Variants in MMS22L observed in about 807,000 individuals in gnomAD.
MMS22L encodes the protein protein MMS22-like.
In MMS22L, 74 loss-of-function variants were observed where a neutral mutation model predicts 159.1. The ratio of observed to expected loss-of-function variants is 0.47; its 90% CI spans 0.39 to 0.56. The LOEUF (loss-of-function observed/expected upper bound fraction) is 0.56, where lower values mean the gene tolerates loss of function less well. MMS22L is among the 20% of genes least tolerant of loss of function. MMS22L has a pLI of 0.00. For missense variants in MMS22L, 1,351 were observed against 1,422.1 expected (o/e 0.95, Z 0.80); for synonymous variants, 517 against 506.9 (o/e 1.02, Z -0.27).
At chr6:97,198,968 A>C (rs1806841908) in intron 14 of MMS22L, among the ~76,000 whole-genome samples, 1 of 151,986 alleles carries the variant, frequency 6.6e-6, no homozygotes, top group Non-Finnish European at 1.5e-5. Flanking sequence ...GTAAGGTATT[A>C]TGTTTATGAA....
At position 97,231,487 on chromosome 6, in the gene MMS22L, T is replaced by C. The variant is rs1208850247; in HGVS notation, c.1468A>G (p.Lys490Glu). 1 of 1,613,818 alleles carries C rather than the reference T, an allele frequency of 6.2e-7. No homozygotes were observed. The change falls in exon 13 of 25, where the codon AAA becomes GAA. Residue 490 changes from lysine to glutamate, a missense_variant. Lys to Glu is a moderately conservative substitution (Grantham distance 56, BLOSUM62 1). Transcript: ENST00000683635. ...SYTIFLCILAKVVKKAMKSNG... is the reference protein window; with the variant it reads ...SYTIFLCILAEVVKKAMKSNG... ...CTCTTCATTGCTTTTTTAACAACTT[T>C]TGCCAGAATACAAAGAAAAATAGTA...
In MMS22L at chr6:97,178,519, C is replaced by T. The variant is rs762875100; in HGVS notation, c.2603G>A (p.Ser868Asn). The change falls in exon 18 of 25, where the codon AGT becomes AAT. Residue 868 changes from serine (S) to asparagine (N), a missense_variant. By Grantham distance (46) the Ser-to-Asn change is conservative (BLOSUM62 1). Transcript: ENST00000683635. ...RLLFNLSEVK[S>N]IFSKAQVEYL... The stretch of plus-strand genomic sequence containing the variant: ...TTCAACTTGGGCCTTTGAGAAAATA[C>T]TCTTTACTTCTGAGAGATTAAATAG... The T allele has an allele frequency of 4.7e-5, 74 of 1,584,326 alleles. No homozygotes were observed. Among genetic ancestry groups the T allele is most frequent in the African/African-American group, 1.3e-4 (10 of 74,156 alleles).
chr6:97,271,657 T>C (rs1815750605), intron 6 of MMS22L: 2 of 152,244 alleles, frequency 1.3e-5, no homozygotes, highest in South Asian at 4.1e-4. Context: ...CACAGAAATA[T>C]GTAAACATTT....
chr6:97,216,800 A>G (rs1402065320), intron 14 of MMS22L, among the ~76,000 whole-genome samples: 2 of 152,242 alleles, frequency 1.3e-5, no homozygotes, highest in African/African-American at 2.4e-5. Flanking sequence ...CAGTGACATA[A>G]ATAAGATTGG....
At chr6:97,217,733 C>G (rs1241198334) in intron 14 of MMS22L, among the ~76,000 whole-genome samples, 1 of 152,146 alleles carries the variant, frequency 6.6e-6, no homozygotes, top group Non-Finnish European at 1.5e-5. Context: ...GCTTTGATAT[C>G]TTTTCTTTGT....
At chr6:97,174,811 A>G (rs1803963712) in intron 18 of MMS22L, among the ~76,000 whole-genome samples, 1 of 152,244 alleles carries the variant, frequency 6.6e-6, no homozygotes, top group Admixed American at 6.5e-5. Flanking sequence ...AAAGCTTAAT[A>G]GAAGTCATCC....
At chr6:97,253,816 C>T (rs1032711349) in intron 10 of MMS22L, 1 of 152,118 alleles carries the variant, frequency 6.6e-6, no homozygotes, top group Non-Finnish European at 1.5e-5. Context: ...GTTTGGTAAC[C>T]ACTGCCATAA....
intron 11 of MMS22L, among the ~76,000 whole-genome samples, chr6:97,239,312 C>T (rs937872210): frequency 6.6e-6 from 1 of 152,116 alleles, no homozygotes; most frequent in Admixed American, 6.5e-5. Context: ...AATACCCTTC[C>T]ATAACCTTTA....
intron 12 of MMS22L, among the ~76,000 whole-genome samples, chr6:97,231,874 A>G (rs1810911546): frequency 6.6e-6 from 1 of 152,138 alleles, no homozygotes; most frequent in Admixed American, 6.5e-5. Context: ...TTAACAGTTG[A>G]TTTGTCCAAA....
chr6:97,206,365 C>A (rs566053689), intron 14 of MMS22L, among the ~76,000 whole-genome samples: 2 of 136,822 alleles, frequency 1.5e-5, no homozygotes, highest in African/African-American at 2.7e-5. Context: ...AAACTGATTT[C>A]TCCTGAACCT....
chr6:97,160,501 G>C (rs952283052), intron 22 of MMS22L, among the ~76,000 whole-genome samples: 1 of 151,986 alleles, frequency 6.6e-6, no homozygotes, highest in Non-Finnish European at 1.5e-5. Context: ...TCTTGTAGAG[G>C]ATGAGTCATT....
intron 6 of MMS22L, 52 bp from the exon 7 acceptor site, chr6:97,270,044 G>A: frequency 1.5e-6 from 2 of 1,373,166 alleles, no homozygotes. Flanking sequence ...ATTTTACTAG[G>A]TATTTCATAG....
intron 14 of MMS22L, among the ~76,000 whole-genome samples, chr6:97,228,362 G>C (rs1810473673): frequency 6.6e-6 from 1 of 152,118 alleles, no homozygotes; most frequent in African/African-American, 2.4e-5. Context: ...TTGAAAAACA[G>C]CTTGAAAACT....
chr6:97,273,180 A>T, intron 4 of MMS22L, 118 bp from the exon 5 acceptor site: 1 of 806,818 alleles, frequency 1.2e-6, no homozygotes, highest in East Asian at 2.5e-5. Context: ...TATATTAAAC[A>T]TTCTCTTATG....
intron 14 of MMS22L, among the ~76,000 whole-genome samples, chr6:97,202,569 T>C (rs1337866486): frequency 6.6e-6 from 1 of 152,114 alleles, no homozygotes; most frequent in African/African-American, 2.4e-5. Context: ...CTAATTTGGT[T>C]TTTTAGATAC....
At chr6:97,263,222 T>A in intron 9 of MMS22L, 113 bp downstream of exon 9, 1 of 661,808 alleles carries the variant, frequency 1.5e-6, no homozygotes, top group East Asian at 2.9e-5. Flanking sequence ...TATTGGTGGT[T>A]ATTATTGCCT....
intron 4 of MMS22L, among the ~76,000 whole-genome samples, chr6:97,275,842 A>C (rs917887084): frequency 1.3e-5 from 2 of 152,056 alleles, no homozygotes; most frequent in African/African-American, 4.8e-5. Flanking sequence ...TTATCTCTAC[A>C]AAAAATTAAT....
At chr6:97,163,106 G>A (rs1405809100) in intron 21 of MMS22L, among the ~76,000 whole-genome samples, 3 of 151,902 alleles carry the variant, frequency 2.0e-5, no homozygotes, top group African/African-American at 7.3e-5. Context: ...ATTCTTTGAG[G>A]TTTTGTCCAA....
At chr6:97,226,695 T>C (rs890679798) in intron 14 of MMS22L, among the ~76,000 whole-genome samples, 1 of 151,978 alleles carries the variant, frequency 6.6e-6, no homozygotes, top group Admixed American at 6.6e-5. Context: ...AATACATATA[T>C]AGTGTGTGTA....
Sources: allele counts gnomAD v4.1 joint callset (sites outside exome capture counted in the v4.1 genomes callset), GRCh38; gene constraint gnomAD v4.1.1; transcripts MANE v1.5; gene names NCBI Gene and HGNC (gene_info 2026-07-23, HGNC 2026-07-21).